PLA2G6: variants seen among roughly 807,000 people sequenced by gnomAD.
PLA2G6 encodes 85/88 kDa calcium-independent phospholipase A2.
Under a neutral mutation model 83.8 loss-of-function variants are expected in PLA2G6, and 62 were observed. That is an observed-to-expected ratio of 0.74 (90% CI 0.60 to 0.91). The LOEUF is 0.91. PLA2G6 is among the 40% of genes least tolerant of loss of function. The probability of loss-of-function intolerance (pLI) is 0.00; values close to 1 mark genes in which losing one functional copy is unlikely to be tolerated. For synonymous variants in PLA2G6, 417 were observed against 449.8 expected (o/e 0.93, Z 0.92); for missense variants, 944 against 1,102.0 (o/e 0.86, Z 2.03).
At chr22:38,163,991 T>C (rs2090120599) in intron 2 of PLA2G6, among the ~76,000 whole-genome samples, 1 of 152,122 alleles carries the variant, frequency 6.6e-6, no homozygotes, top group Non-Finnish European at 1.5e-5. Flanking sequence ...CACACTTCTA[T>C]CATCCTTCCC....
chr22:38,174,355 G>C (rs2090551415), intron 1 of PLA2G6, among the ~76,000 whole-genome samples: 1 of 151,596 alleles, frequency 6.6e-6, no homozygotes, highest in Admixed American at 6.6e-5. Context: ...CCGAGATCAT[G>C]TCACTGCACT....
At chr22:38,117,417 G>T (rs1322496513) in intron 12 of PLA2G6, among the ~76,000 whole-genome samples, 1 of 151,794 alleles carries the variant, frequency 6.6e-6, no homozygotes, top group Non-Finnish European at 1.5e-5. Flanking sequence ...CTGTGGTCTT[G>T]ATCTCCTGAC....
At chr22:38,120,945 C>G (rs200055035) in intron 11 of PLA2G6, 36 bp from the exon 12 acceptor site, 1 of 1,609,660 alleles carries the variant, frequency 6.2e-7, no homozygotes, top group East Asian at 2.2e-5. Flanking sequence ...GGAGATGCAG[C>G]GGCCACACGC....
At position 38,123,372 on chromosome 22, in the gene PLA2G6, G is replaced by T; in HGVS notation, c.1428-114C>A. 9.0e-7 allele frequency: 1 copy of T among 1,112,354 alleles called. No individual in the cohort carries two copies. Among genetic ancestry groups the T allele is most frequent in the Non-Finnish European group, 1.3e-6 (1 of 757,570 alleles). 68.9% of individuals were successfully genotyped at this position (1,112,354 alleles called of 1,614,324 possible). Reference sequence around the variant, plus strand: ...TGTGTCCTGGCAGACAGACCCAGACGGACCCGAGGAACTTCTGTCCTATGC... The same window carrying T: ...TGTGTCCTGGCAGACAGACCCAGACTGACCCGAGGAACTTCTGTCCTATGC... On this transcript the variant is annotated intron_variant, in intron 10 of 16. Coordinates refer to ENST00000332509, the MANE Select transcript of PLA2G6 (RefSeq NM_003560.4). This position sits in a 1 kb window ranked among gnomAD's most constrained non-coding sequence, Gnocchi z 4.1.
intron 2 of PLA2G6, among the ~76,000 whole-genome samples, chr22:38,161,466 C>G (rs965288816): frequency 6.6e-6 from 1 of 152,006 alleles, no homozygotes; most frequent in Non-Finnish European, 1.5e-5. Flanking sequence ...TACCATCACA[C>G]GAGGGATTGG....
chr22:38,142,588 A>C (rs1369967822), intron 4 of PLA2G6: 2 of 205,632 alleles, frequency 9.7e-6, no homozygotes, highest in Non-Finnish European at 2.0e-5. Context: ...CATAAAATAC[A>C]TGAACGCTAA....
rs2088019970 is a variant in PLA2G6, at chr22:38,128,658, G to A, written c.1187-228C>T. ...GGGAAGGAGGATATGGGAGGAGGAG[G>A]TCAGTGTCACCCTGCCCGATGCCTG... is the stretch of plus-strand genomic sequence containing the variant. On this transcript the variant is annotated intron_variant, in intron 8 of 16. Transcript: ENST00000332509. The surrounding 1 kb of genome is among the most constrained non-coding windows in gnomAD (Gnocchi z 4.4). 6.6e-6 allele frequency among the ~76,000 whole-genome samples: 1 copy of A among 152,184 alleles called. No homozygotes were observed. Among genetic ancestry groups the A allele is most frequent in the African/African-American group, 2.4e-5 (1 of 41,440 alleles).
intron 2 of PLA2G6, among the ~76,000 whole-genome samples, chr22:38,165,748 C>T (rs1247423705): frequency 2.0e-5 from 3 of 151,960 alleles, no homozygotes; most frequent in African/African-American, 7.3e-5. Context: ...GGCGTGGTGG[C>T]GGGCGCCTGT....
Position 38,127,209 on chromosome 22 carries a change from G to A in PLA2G6, c.1349-760C>T, listed in dbSNP as rs1254538776. On this transcript the variant is annotated intron_variant, in intron 9 of 16. Coordinates refer to ENST00000332509, the MANE Select transcript of PLA2G6 (RefSeq NM_003560.4). ...AAAGCAGAACCGAGGGCTGCGAAGC[G>A]GTGTCTCCCCCTCCCCAGGGCACAC... 3.2e-5 allele frequency: 38 copies of A among 1,187,880 alleles called. No individual in the cohort carries two copies. The East Asian group carries it at 1.1e-3, about 33-fold the overall frequency. The allele number at this position is 1,187,880 out of a possible 1,614,324, so 73.6% of individuals were successfully genotyped here.
chr22:38,125,230 A>C (rs546973147), intron 10 of PLA2G6, among the ~76,000 whole-genome samples: 1 of 152,064 alleles, frequency 6.6e-6, no homozygotes, highest in Non-Finnish European at 1.5e-5. Context: ...GCATGTGTGC[A>C]TGTGTGTGCG....
chr22:38,147,238 T>G (rs1177563026), intron 2 of PLA2G6: 1 of 153,400 alleles, frequency 6.5e-6, no homozygotes, highest in Admixed American at 6.5e-5. Flanking sequence ...TGAGGACAGA[T>G]GAAAAACCAC....
intron 14 of PLA2G6, 56 bp from the exon 15 acceptor site, chr22:38,113,710 GAAGGGGAGCGTC>G: frequency 2.0e-6 from 3 of 1,537,658 alleles, no homozygotes; most frequent in Non-Finnish European, 2.7e-6. Flanking sequence ...TAGGGGGCAC[GAAGGGGAGCGTC>G]AAGGGGAGGC....
chr22:38,115,635 A>T lies in PLA2G6; in HGVS notation c.1926T>A (p.Thr642=), dbSNP rs533490649. 4 of 1,602,648 alleles carry T rather than the reference A, an allele frequency of 2.5e-6. No homozygotes were observed. The South Asian group carries it at 3.4e-5, about 13-fold the overall frequency. The change falls in exon 14 of 17, where the codon ACT becomes ACA. Residue 642 remains threonine, a synonymous_variant. Coordinates refer to ENST00000332509, the MANE Select transcript of PLA2G6 (RefSeq NM_003560.4). The stretch of plus-strand genomic sequence containing the variant: ...GGAAGCGCCCATTGGGTCGGAAGTA[A>T]GTAGGAGCTGCCCCGCTGCTTCGGG... The part of the protein sequence containing the change: ...RAARSSGAAP[T]YFRPNGRFLD...
intron 1 of PLA2G6, among the ~76,000 whole-genome samples, chr22:38,172,934 G>A (rs1318799848): frequency 1.3e-5 from 2 of 152,238 alleles, no homozygotes; most frequent in African/African-American, 4.8e-5. Flanking sequence ...CAGCCTTCAG[G>A]GTAGGCAGGA....
chr22:38,114,109 C>G (rs146408053), intron 14 of PLA2G6, among the ~76,000 whole-genome samples: 1 of 151,882 alleles, frequency 6.6e-6, no homozygotes, highest in African/African-American at 2.4e-5. Context: ...AAGCTCAGGC[C>G]GGGAAGCAGC....
chr22:38,129,542 G>A lies in PLA2G6; in HGVS notation c.1098C>T (p.Ile366=). The change falls in exon 8 of 17, where the codon ATC becomes ATT. Residue 366 remains isoleucine (I), a synonymous_variant. Transcript: ENST00000332509. ...LAMSKDNVEM[I]KALIVFGAEV... ...CTGCTCCGAACACGATGAGGGCCTT[G>A]ATCATCTCCACGTTGTCTTTCTGTT... 1 of 1,613,478 alleles carries A rather than the reference G, an allele frequency of 6.2e-7. No individual in the cohort carries two copies. Among genetic ancestry groups the A allele is most frequent in the South Asian group, 1.1e-5 (1 of 91,070 alleles).
chr22:38,148,620 G>C (rs1025516788), intron 2 of PLA2G6: 1 of 710,470 alleles, frequency 1.4e-6, no homozygotes, highest in Admixed American at 2.1e-5. Context: ...TGGAGCCCAG[G>C]CGTCTGCCAA....
chr22:38,151,250 CTTT>C (rs972971440), intron 2 of PLA2G6, among the ~76,000 whole-genome samples: 1 of 146,464 alleles, frequency 6.8e-6, no homozygotes, highest in African/African-American at 2.5e-5. Context: ...TTCTTTCCTT[CTTT>C]TTTTTTTTTG....
intron 2 of PLA2G6, among the ~76,000 whole-genome samples, chr22:38,167,617 A>T (rs1162507382): frequency 6.6e-6 from 1 of 152,180 alleles, no homozygotes; most frequent in Non-Finnish European, 1.5e-5. Context: ...GCTCAGCCCC[A>T]TCTGCACTCA....
Sources: gnomAD v4.1 joint callset for allele counts (sites outside exome capture counted in the v4.1 genomes callset) on GRCh38, gnomAD v4.1.1 for gene constraint, Gnocchi (gnomAD v3.1) non-coding constraint, MANE v1.5 for transcripts, NCBI Gene and HGNC (gene_info 2026-07-23, HGNC 2026-07-21) for gene names.